IQGAP1: variants seen among roughly 807,000 people sequenced by gnomAD.
The protein encoded by IQGAP1 is ras GTPase-activating-like protein IQGAP1.
In IQGAP1, 66 loss-of-function variants were observed where a neutral mutation model predicts 215.6. The ratio of observed to expected loss-of-function variants is 0.31; its 90% confidence interval spans 0.25 to 0.38. The LOEUF is 0.38. Among genes scored for constraint, IQGAP1 ranks in the 10% least tolerant of loss-of-function variants. The probability of loss-of-function intolerance (pLI) is 1.00; values close to 1 mark genes in which losing one functional copy is unlikely to be tolerated. For missense variants in IQGAP1, 1,712 were observed against 1,997.1 expected, an observed-to-expected ratio of 0.86 and a Z score of 2.72; for synonymous variants, 772 against 728.7, an observed-to-expected ratio of 1.06 and a Z score of -0.96.
intron 2 of IQGAP1, among the ~76,000 whole-genome samples, chr15:90,398,797 G>A (rs892758288): frequency 6.6e-6 from 1 of 152,098 alleles, no homozygotes; most frequent in African/African-American, 2.4e-5. Flanking sequence ...GATGCCAGGA[G>A]TTCGAGACTA....
At position 90,396,717 on chromosome 15, in the gene IQGAP1, A is replaced by G. The variant is rs73474977; in HGVS notation, c.155+5844A>G. On this transcript the variant is annotated intron_variant, in intron 2 of 37. Transcript: ENST00000268182. ...CACCATAAGAAGTGGGTTGCATTTA[A>G]AAGTGTATTTATTAAAAGTGGTTGA... Among the ~76,000 whole-genome samples the G allele has an allele frequency of 5.4e-3, 819 of 152,300 alleles. 9 individuals are homozygous for G. Among genetic ancestry groups the G allele is most frequent in the African/African-American group, 0.019 (795 of 41,554 alleles).
chr15:90,403,858 A>G (rs1253313004), intron 2 of IQGAP1, among the ~76,000 whole-genome samples: 1 of 152,178 alleles, frequency 6.6e-6, no homozygotes, highest in Non-Finnish European at 1.5e-5. Flanking sequence ...TATTTTTAGT[A>G]GAGACAGGGT....
At position 90,439,407 on chromosome 15, in the gene IQGAP1, G is replaced by A; in HGVS notation, c.535+8G>A. 5 of 1,607,886 alleles carry A rather than the reference G, an allele frequency of 3.1e-6. No homozygotes were observed. Among genetic ancestry groups the A allele is most frequent in the Non-Finnish European group, 4.3e-6 (5 of 1,175,072 alleles). ...GAAAGGTTGACTTCACAGGTAAGGA[G>A]TTAGATACTTGGCAGGAAATGCTTG... On this transcript the variant is annotated splice_region_variant and intron_variant, in intron 6 of 37. Transcript: ENST00000268182.
At chr15:90,431,688 G>A (rs8030722) in intron 4 of IQGAP1, among the ~76,000 whole-genome samples, 62,722 of 151,962 alleles carry the variant, frequency 0.41, 14,742 homozygotes, top group African/African-American at 0.66. Flanking sequence ...TCCACCCTAC[G>A]TTTAGGCCCA....
chr15:90,466,537 A>C, intron 17 of IQGAP1, 101 bp downstream of exon 17: 2 of 1,125,148 alleles, frequency 1.8e-6, no homozygotes, highest in Non-Finnish European at 2.6e-6. Flanking sequence ...AAGACCTTTT[A>C]GCATAGATGT....
At chr15:90,423,353 C>A (rs1468341065) in intron 2 of IQGAP1, among the ~76,000 whole-genome samples, 1 of 152,146 alleles carries the variant, frequency 6.6e-6, no homozygotes, top group Non-Finnish European at 1.5e-5. Flanking sequence ...CCTGTCTTAG[C>A]CTCCCAAGTA....
intron 26 of IQGAP1, among the ~76,000 whole-genome samples, chr15:90,481,073 C>G (rs1567140543): frequency 6.6e-6 from 1 of 152,116 alleles, no homozygotes; most frequent in Non-Finnish European, 1.5e-5. Context: ...AAATTTGAAA[C>G]CATTATCATG....
At chr15:90,417,910 C>T (rs932597322) in intron 2 of IQGAP1, among the ~76,000 whole-genome samples, 1 of 152,152 alleles carries the variant, frequency 6.6e-6, no homozygotes, top group Non-Finnish European at 1.5e-5. Context: ...TTGTAGTTCT[C>T]CTTGAAGAGG....
rs770042259 is a variant in IQGAP1, at chr15:90,426,241, A to G, written c.287A>G (p.Tyr96Cys). The change falls in exon 3 of 38, where the codon TAT becomes TGT. Residue 96 changes from tyrosine (Y) to cysteine (C), a missense_variant. Transcript: ENST00000268182. The part of the protein sequence containing the change: ...SPKVVSLKKI[Y>C]DREQTRYKAT... ...AAAGTAGTGTCCCTGAAAAAAATCT[A>G]TGATCGAGAACAGACCAGATACAAG... The G allele has an allele frequency of 8.1e-6, 13 of 1,603,324 alleles. No individual in the cohort carries two copies. The highest frequency in any genetic ancestry group is 1.0e-5 in the Non-Finnish European group (12 of 1,177,082).
chr15:90,490,984 T>C (rs1966195158), intron 33 of IQGAP1, among the ~76,000 whole-genome samples: 1 of 152,244 alleles, frequency 6.6e-6, no homozygotes, highest in South Asian at 2.1e-4. Flanking sequence ...ATTTTGTTTT[T>C]GTACTTTTAG....
chr15:90,417,444 G>T (rs1965069814), intron 2 of IQGAP1, among the ~76,000 whole-genome samples: 1 of 152,114 alleles, frequency 6.6e-6, no homozygotes, highest in Non-Finnish European at 1.5e-5. Flanking sequence ...AGTTTTCCCA[G>T]CACCATTTAT....
intron 2 of IQGAP1, among the ~76,000 whole-genome samples, chr15:90,397,425 G>A (rs987131784): frequency 6.6e-6 from 1 of 151,766 alleles, no homozygotes; most frequent in Non-Finnish European, 1.5e-5. Flanking sequence ...TTTGTCCTTT[G>A]CAGAATGGGA....
chr15:90,474,183 C>A, intron 22 of IQGAP1, 50 bp downstream of exon 22: 1 of 1,493,290 alleles, frequency 6.7e-7, no homozygotes, highest in Non-Finnish European at 9.2e-7. Flanking sequence ...TGGGAGCCAC[C>A]AAGTTCAGGG....
chr15:90,447,448 T>A (rs1393877847), intron 9 of IQGAP1, among the ~76,000 whole-genome samples: 2 of 152,192 alleles, frequency 1.3e-5, no homozygotes, highest in African/African-American at 4.8e-5. Context: ...AGCTTATTAA[T>A]TTTATTTTGT....
chr15:90,498,356 C>CA (rs10708658), intron 37 of IQGAP1, among the ~76,000 whole-genome samples: 19 of 146,688 alleles, frequency 1.3e-4, no homozygotes, highest in Admixed American at 4.1e-4. Context: ...GTACTTCCAC[C>CA]AAAAAAAAAA....
At chr15:90,439,277 G>A (rs376563768) in intron 5 of IQGAP1, 55 bp from the exon 6 acceptor site, 3 of 1,407,292 alleles carry the variant, frequency 2.1e-6, no homozygotes, top group Non-Finnish European at 3.0e-6. Flanking sequence ...GCCTTTTAAG[G>A]GTGGCAGCTA....
intron 15 of IQGAP1, among the ~76,000 whole-genome samples, chr15:90,461,719 C>G (rs2151027269): frequency 6.6e-6 from 1 of 152,142 alleles, no homozygotes; most frequent in South Asian, 2.1e-4. Context: ...CCCAGCTACT[C>G]AGGAGGCTGA....
chr15:90,497,080 T>G, intron 36 of IQGAP1, 152 bp from the exon 37 acceptor site: 2 of 563,134 alleles, frequency 3.6e-6, no homozygotes, highest in South Asian at 4.6e-5. Flanking sequence ...CTTGGCAATC[T>G]GTGCTGCTTC....
At chr15:90,397,864 A>AT (rs1555434220) in intron 2 of IQGAP1, 1 of 79,880 alleles carries the variant, frequency 1.3e-5, no homozygotes, top group Non-Finnish European at 2.2e-5. Flanking sequence ...GATATCCTGA[A>AT]TTTTTTCTTT....
Sources: allele counts gnomAD v4.1 joint callset (sites outside exome capture counted in the v4.1 genomes callset), GRCh38; gene constraint gnomAD v4.1.1; transcripts MANE v1.5; gene names NCBI Gene and HGNC (gene_info 2026-07-23, HGNC 2026-07-21).